GALNTL6: variants seen among roughly 807,000 people sequenced by gnomAD.
The protein encoded by GALNTL6 is polypeptide N-acetylgalactosaminyltransferase like 6, also known as polypeptide N-acetylgalactosaminyltransferase-like 6.
GALNTL6 carries 46 observed loss-of-function variants against 73.7 expected under a neutral mutation model. The ratio of observed to expected loss-of-function variants is 0.62; its 90% CI spans 0.49 to 0.80. GALNTL6 has a LOEUF of 0.80. Among genes scored for constraint, GALNTL6 ranks in the 30% least tolerant of loss-of-function variants. The pLI is 0.00. For missense variants in GALNTL6, 604 were observed against 755.0 expected, an observed-to-expected ratio of 0.80 and a Z score of 2.34; for synonymous variants, 259 against 263.7, an observed-to-expected ratio of 0.98 and a Z score of 0.17.
intron 2 of GALNTL6, among the ~76,000 whole-genome samples, chr4:171,880,428 T>C (rs544436218): frequency 6.6e-6 from 1 of 152,356 alleles, no homozygotes; most frequent in South Asian, 2.1e-4. Flanking sequence ...TTCCTTATTC[T>C]GCTCTTCACT....
intron 3 of GALNTL6, among the ~76,000 whole-genome samples, chr4:172,262,517 AT>A (rs1738292480): frequency 6.6e-6 from 1 of 151,218 alleles, no homozygotes; most frequent in Admixed American, 6.6e-5. Flanking sequence ...GTGAGTCCTG[AT>A]GTGTTAGGTA....
chr4:172,696,174 C>T (rs1215581568), intron 5 of GALNTL6, among the ~76,000 whole-genome samples: 2 of 152,106 alleles, frequency 1.3e-5, no homozygotes, highest in African/African-American at 2.4e-5. Context: ...TAATGTGTCT[C>T]CAATCACTCT....
chr4:172,165,219 C>T lies in GALNTL6; in HGVS notation c.139-64437C>T, dbSNP rs369310458. ...CCACTGTATATTTTATATACTTTCTCTCAGTTAATTCCCCCAGCAACCAAT... is the reference window on the plus strand; with the variant it reads ...CCACTGTATATTTTATATACTTTCTTTCAGTTAATTCCCCCAGCAACCAAT... On this transcript the variant is annotated intron_variant, in intron 2 of 12. Coordinates refer to ENST00000506823, the MANE Select transcript of GALNTL6 (RefSeq NM_001034845.3). Among the ~76,000 whole-genome samples the T allele has an allele frequency of 2.6e-5, 4 of 152,108 alleles. No individual in the cohort carries two copies. The East Asian group carries it at 7.7e-4, about 29-fold the overall frequency.
At chr4:171,913,226 A>G (rs1325162303) in intron 2 of GALNTL6, among the ~76,000 whole-genome samples, 2 of 152,230 alleles carry the variant, frequency 1.3e-5, no homozygotes, top group African/African-American at 2.4e-5. Flanking sequence ...CAGTTGCATA[A>G]AGAAAAGAAA....
In GALNTL6 at chr4:172,354,990, T is replaced by C. The variant is rs370187158; in HGVS notation, c.553+6301T>C. Among the ~76,000 whole-genome samples the C allele has an allele frequency of 6.6e-5, 10 of 152,220 alleles. No homozygotes were observed. The East Asian group carries it at 1.7e-3, about 26-fold the overall frequency. ...ACACATTCACAAGCCTCATGCTTAC[T>C]ACTACAATACTTTATTTATTCTAGT... On this transcript the variant is annotated intron_variant, in intron 5 of 12. Transcript: ENST00000506823.
chr4:172,818,813 G>T (rs1741755956), intron 7 of GALNTL6, among the ~76,000 whole-genome samples: 1 of 152,150 alleles, frequency 6.6e-6, no homozygotes, highest in East Asian at 1.9e-4. Context: ...TGGTCAGGCT[G>T]GTCTTGAACT....
chr4:171,931,686 T>G (rs75204585), intron 2 of GALNTL6, among the ~76,000 whole-genome samples: 6,460 of 152,276 alleles, frequency 0.042, 397 homozygotes, highest in African/African-American at 0.14. Context: ...GTTAGTCAAA[T>G]TTGAATATCA....
chr4:172,695,614 T>C (rs537189601), intron 5 of GALNTL6, among the ~76,000 whole-genome samples: 40 of 152,340 alleles, frequency 2.6e-4, no homozygotes, highest in African/African-American at 9.1e-4. Flanking sequence ...TAGACTGTGT[T>C]TTCTTTCTAA....
intron 5 of GALNTL6, among the ~76,000 whole-genome samples, chr4:172,719,069 G>A (rs1031514786): frequency 6.6e-6 from 1 of 152,120 alleles, no homozygotes; most frequent in African/African-American, 2.4e-5. Flanking sequence ...ACATCAAAAC[G>A]AGTTACCCTT....
chr4:172,202,766 A>C (rs896836137), intron 2 of GALNTL6, among the ~76,000 whole-genome samples: 6 of 152,210 alleles, frequency 3.9e-5, no homozygotes, highest in Non-Finnish European at 7.3e-5. Flanking sequence ...ATTATTATGA[A>C]ACATCAGCAA....
At chr4:172,398,387 C>T (rs531350120) in intron 5 of GALNTL6, among the ~76,000 whole-genome samples, 2 of 152,112 alleles carry the variant, frequency 1.3e-5, no homozygotes, top group Non-Finnish European at 2.9e-5. Context: ...TTTATGAAAA[C>T]AATGGCTGAT....
intron 10 of GALNTL6, among the ~76,000 whole-genome samples, chr4:172,998,943 G>C (rs937305574): frequency 6.8e-6 from 1 of 147,332 alleles, no homozygotes; most frequent in Non-Finnish European, 1.5e-5. Context: ...AGTCCAGCCA[G>C]AAGACAGAAA....
At chr4:172,295,531 G>GTTTTTTTTTTTTTTTTTTTTTT (rs58721038) in intron 3 of GALNTL6, among the ~76,000 whole-genome samples, 1 of 73,164 alleles carries the variant, frequency 1.4e-5, no homozygotes. Flanking sequence ...CTTTTTTTAG[G>GTTTTTTTTTTTTTTTTTTTTTT]TTTTTTTTTT....
At chr4:172,137,508 A>C (rs764811854) in intron 2 of GALNTL6, among the ~76,000 whole-genome samples, 1 of 152,216 alleles carries the variant, frequency 6.6e-6, no homozygotes, top group Non-Finnish European at 1.5e-5. Context: ...CAAACAAATG[A>C]CGTCTATTTA....
intron 2 of GALNTL6, among the ~76,000 whole-genome samples, chr4:171,887,305 G>A (rs1451597403): frequency 1.3e-5 from 2 of 152,108 alleles, no homozygotes; most frequent in African/African-American, 2.4e-5. Flanking sequence ...TCAAACCATA[G>A]CAGTTGGGAT....
At chr4:172,563,575 G>A (rs1299061853) in intron 5 of GALNTL6, among the ~76,000 whole-genome samples, 1 of 152,158 alleles carries the variant, frequency 6.6e-6, no homozygotes, top group Non-Finnish European at 1.5e-5. Context: ...ATGAGCATGT[G>A]CAATGCATTT....
intron 2 of GALNTL6, among the ~76,000 whole-genome samples, chr4:172,054,054 A>G (rs1448886607): frequency 6.6e-6 from 1 of 152,054 alleles, no homozygotes; most frequent in Non-Finnish European, 1.5e-5. Context: ...TGAGAAATAA[A>G]TGTTGGCTTC....
At chr4:172,177,719 A>G (rs778773425) in intron 2 of GALNTL6, among the ~76,000 whole-genome samples, 10 of 149,196 alleles carry the variant, frequency 6.7e-5, no homozygotes, top group Non-Finnish European at 1.5e-4. Flanking sequence ...TTTACTTAGT[A>G]TGTGTGTATA....
At chr4:172,474,117 C>G (rs992787937) in intron 5 of GALNTL6, among the ~76,000 whole-genome samples, 19 of 152,164 alleles carry the variant, frequency 1.2e-4, no homozygotes, top group African/African-American at 4.1e-4. Flanking sequence ...CCTTCATACT[C>G]CCAACGCAGA....
Sources: allele counts gnomAD v4.1 joint callset (sites outside exome capture counted in the v4.1 genomes callset), GRCh38; gene constraint gnomAD v4.1.1; transcripts MANE v1.5; gene names NCBI Gene and HGNC (gene_info 2026-07-23, HGNC 2026-07-21).